RFTN1: variants seen among roughly 807,000 people sequenced by gnomAD.
RFTN1 encodes the protein raftlin, lipid raft linker 1.
A neutral mutation model predicts 46.5 loss-of-function variants in RFTN1; 26 were observed. That is an observed-to-expected ratio of 0.56 (90% CI 0.41 to 0.78). The LOEUF (loss-of-function observed/expected upper bound fraction) is 0.78. RFTN1 is among the 30% of genes least tolerant of loss of function. RFTN1 has a pLI of 0.00. For synonymous variants in RFTN1, 261 were observed against 284.2 expected, an observed-to-expected ratio of 0.92 and a Z score of 0.82; for missense variants, 693 against 718.7, an observed-to-expected ratio of 0.96 and a Z score of 0.41.
rs563916182 is a variant in RFTN1 at position 16,449,147 on chromosome 3, C to G, written c.146-15110G>C. On this transcript the variant is annotated intron_variant, in intron 2 of 9. Coordinates refer to ENST00000334133, the MANE Select transcript of RFTN1 (RefSeq NM_015150.2). The surrounding 1 kb of genome is among the most constrained non-coding windows in gnomAD (Gnocchi z 5.1). ...TATCTGAAATCCCCACAAATTCATA[C>G]GAAATGAGTAGGATTATTACTTTGT... is the stretch of plus-strand genomic sequence containing the variant. Among the ~76,000 whole-genome samples the G allele has an allele frequency of 1.3e-5, 2 of 152,124 alleles. No homozygotes were observed. Among genetic ancestry groups the G allele is most frequent in the Non-Finnish European group, 2.9e-5 (2 of 68,036 alleles).
chr3:16,493,189 G>C (rs936220919), intron 2 of RFTN1, among the ~76,000 whole-genome samples: 29 of 151,902 alleles, frequency 1.9e-4, no homozygotes, highest in African/African-American at 6.3e-4. Context: ...CATATGTATT[G>C]CTTGGCTCAC....
intron 2 of RFTN1, chr3:16,482,793 G>T (rs1463171982): frequency 2.6e-6 from 4 of 1,536,036 alleles, no homozygotes; most frequent in African/African-American, 1.4e-5. Flanking sequence ...CAGCTGCAGG[G>T]ATCCCCAGAG....
intron 2 of RFTN1, among the ~76,000 whole-genome samples, chr3:16,485,750 G>C (rs2076438190): frequency 6.6e-6 from 1 of 152,118 alleles, no homozygotes; most frequent in African/African-American, 2.4e-5. Flanking sequence ...ACTTCATATG[G>C]GTGTGTTTCA....
Position 16,446,604 on chromosome 3 carries a change from C to A in RFTN1, c.146-12567G>T, listed in dbSNP as rs1432534139. 1.3e-5 allele frequency among the ~76,000 whole-genome samples: 2 copies of A among 151,958 alleles called. No homozygotes were observed. Among genetic ancestry groups the A allele is most frequent in the African/African-American group, 4.8e-5 (2 of 41,352 alleles). ...GGAAAATCAAAGGTTGATATGACAA[C>A]AAAAGCAAAGGAAGAATGTAAAAAT... On this transcript the variant is annotated intron_variant, in intron 2 of 9. Coordinates refer to ENST00000334133, the MANE Select transcript of RFTN1 (RefSeq NM_015150.2). This position sits in a 1 kb window ranked among gnomAD's most constrained non-coding sequence, Gnocchi z 4.5.
chr3:16,337,368 T>C lies in RFTN1; in HGVS notation c.1147-10492A>G, dbSNP rs767555583. On this transcript the variant is annotated intron_variant, in intron 7 of 9. Transcript: ENST00000334133. This position sits in a 1 kb window ranked among gnomAD's most constrained non-coding sequence, Gnocchi z 5.0. Reference sequence around the variant, plus strand: ...GCTTTATTACACAGCAGAAGCTAACTGGTGTATTACTATTATTACTATTAT... The same window carrying C: ...GCTTTATTACACAGCAGAAGCTAACCGGTGTATTACTATTATTACTATTAT... 3.3e-5 allele frequency: 5 copies of C among 152,346 alleles called. No homozygotes were observed. Among genetic ancestry groups the C allele is most frequent in the Non-Finnish European group, 5.9e-5 (4 of 68,026 alleles). The allele number at this position is 152,346 out of a possible 1,614,324, so 9.4% of individuals were successfully genotyped here. A position where few individuals can be genotyped will look rare whatever the true frequency, so the allele number is the denominator to read the frequency against.
chr3:16,399,441 C>CAGA (rs1169550882), intron 4 of RFTN1, among the ~76,000 whole-genome samples: 3 of 152,154 alleles, frequency 2.0e-5, no homozygotes, highest in Admixed American at 1.3e-4. Context: ...GCCACTCCAG[C>CAGA]AATAGCTGTT....
intron 9 of RFTN1, among the ~76,000 whole-genome samples, chr3:16,318,962 C>G (rs1463494311): frequency 6.6e-6 from 1 of 152,184 alleles, no homozygotes; most frequent in East Asian, 1.9e-4. Context: ...GCAGGCATCT[C>G]GAGGCTCCAA....
chr3:16,378,664 A>C (rs975207440), intron 4 of RFTN1, among the ~76,000 whole-genome samples: 1 of 152,090 alleles, frequency 6.6e-6, no homozygotes, highest in African/African-American at 2.4e-5. Context: ...CTGTGGGCAA[A>C]TCCTCCCTGA....
chr3:16,402,971 T>C lies in RFTN1; in HGVS notation c.441+6404A>G, dbSNP rs2074641434. Among the ~76,000 whole-genome samples the C allele has an allele frequency of 6.6e-6, 1 of 152,134 alleles. No individual in the cohort carries two copies. Among genetic ancestry groups the C allele is most frequent in the Non-Finnish European group, 1.5e-5 (1 of 68,032 alleles). ...GGAACAGAGCCCAGAGCTGAGGGCCTGAAGGCAAAGGCCACCATGTCTTAT... is the reference window on the plus strand; with the variant it reads ...GGAACAGAGCCCAGAGCTGAGGGCCCGAAGGCAAAGGCCACCATGTCTTAT... On this transcript the variant is annotated intron_variant, in intron 4 of 9. Coordinates refer to ENST00000334133, the MANE Select transcript of RFTN1 (RefSeq NM_015150.2). The surrounding 1 kb of genome is among the most constrained non-coding windows in gnomAD (Gnocchi z 4.5).
chr3:16,496,245 A>G (rs2076624670), intron 1 of RFTN1, among the ~76,000 whole-genome samples: 1 of 152,240 alleles, frequency 6.6e-6, no homozygotes, highest in African/African-American at 2.4e-5. Flanking sequence ...GCTGCCAAAC[A>G]TGATGCCACA....
chr3:16,398,296 G>A (rs1007066479), intron 4 of RFTN1, among the ~76,000 whole-genome samples: 1 of 149,558 alleles, frequency 6.7e-6, no homozygotes, highest in East Asian at 2.0e-4. Context: ...CTCTCCAAGA[G>A]GGCTTACTTA....
chr3:16,335,700 T>A lies in RFTN1; in HGVS notation c.1147-8824A>T, dbSNP rs1310566152. ...GCTTCATACCTAGGTGATAGCCTGA[T>A]CTGAGCAGCAACACACATGGCACAC... On this transcript the variant is annotated intron_variant, in intron 7 of 9. Coordinates refer to ENST00000334133, the MANE Select transcript of RFTN1 (RefSeq NM_015150.2). This position sits in a 1 kb window ranked among gnomAD's most constrained non-coding sequence, Gnocchi z 4.7. 2.0e-5 allele frequency among the ~76,000 whole-genome samples: 3 copies of A among 150,730 alleles called. No homozygotes were observed. Among genetic ancestry groups the A allele is most frequent in the Non-Finnish European group, 2.9e-5 (2 of 67,906 alleles).
In RFTN1 at chr3:16,484,998, C is replaced by T. The variant is rs1323401208; in HGVS notation, c.145+8727G>A. Among the ~76,000 whole-genome samples, 1 of 152,232 alleles carries T rather than the reference C, an allele frequency of 6.6e-6. No homozygotes were observed. Among genetic ancestry groups the T allele is most frequent in the Non-Finnish European group, 1.5e-5 (1 of 68,042 alleles). On this transcript the variant is annotated intron_variant, in intron 2 of 9. Coordinates refer to ENST00000334133, the MANE Select transcript of RFTN1 (RefSeq NM_015150.2). The surrounding 1 kb of genome is among the most constrained non-coding windows in gnomAD (Gnocchi z 4.6). ...TACCTATAAAAAATGAAGCTCTCTACTCTCATACATTGTTGTTGGAAATGT... is the reference window on the plus strand; with the variant it reads ...TACCTATAAAAAATGAAGCTCTCTATTCTCATACATTGTTGTTGGAAATGT...
intron 2 of RFTN1, among the ~76,000 whole-genome samples, chr3:16,471,020 A>T (rs1166227248): frequency 6.6e-6 from 1 of 152,228 alleles, no homozygotes; most frequent in African/African-American, 2.4e-5. Flanking sequence ...GGAAAGTTTC[A>T]CATACACTAC....
chr3:16,449,790 C>T lies in RFTN1; in HGVS notation c.146-15753G>A, dbSNP rs186466546. 5.9e-5 allele frequency among the ~76,000 whole-genome samples: 9 copies of T among 152,306 alleles called. No individual in the cohort carries two copies. In the East Asian group the frequency reaches 1.7e-3, roughly 29 times the overall value. On this transcript the variant is annotated intron_variant, in intron 2 of 9. Transcript: ENST00000334133. This position sits in a 1 kb window ranked among gnomAD's most constrained non-coding sequence, Gnocchi z 5.1. ...CAAAAGCCATGCTGACAGACTGCTGCCTCTGATTTGCACTGAACTCCACTA... is the reference window on the plus strand; with the variant it reads ...CAAAAGCCATGCTGACAGACTGCTGTCTCTGATTTGCACTGAACTCCACTA...
chr3:16,369,355 T>C (rs992005412), intron 6 of RFTN1, among the ~76,000 whole-genome samples: 1 of 152,274 alleles, frequency 6.6e-6, no homozygotes, highest in African/African-American at 2.4e-5. Flanking sequence ...TCCTGCTGAC[T>C]GGCAGTCCTC....
At chr3:16,408,353 A>C (rs1389285696) in intron 4 of RFTN1, among the ~76,000 whole-genome samples, 1 of 152,184 alleles carries the variant, frequency 6.6e-6, no homozygotes, top group Non-Finnish European at 1.5e-5. Flanking sequence ...TCTGTATCCC[A>C]GCATCTAGTA....
In RFTN1 at chr3:16,424,816, C is replaced by T. The variant is rs184266841; in HGVS notation, c.332+9035G>A. Among the ~76,000 whole-genome samples, 23 of 152,140 alleles carry T rather than the reference C, an allele frequency of 1.5e-4. No individual in the cohort carries two copies. The East Asian group carries it at 3.7e-3, about 24-fold the overall frequency. On this transcript the variant is annotated intron_variant, in intron 3 of 9. Transcript: ENST00000334133. The surrounding 1 kb of genome is among the most constrained non-coding windows in gnomAD (Gnocchi z 4.7). ...AAATCATTAATAATGTACTTATATACATCTAAACATTATATCTCACCTACT... is the reference window on the plus strand; with the variant it reads ...AAATCATTAATAATGTACTTATATATATCTAAACATTATATCTCACCTACT...
chr3:16,331,721 T>G (rs1396733915), intron 7 of RFTN1, among the ~76,000 whole-genome samples: 2 of 152,232 alleles, frequency 1.3e-5, no homozygotes, highest in African/African-American at 4.8e-5. Flanking sequence ...TTTTCATGCC[T>G]GGGTTCTTCG....
Sources: gnomAD v4.1 joint callset for allele counts (sites outside exome capture counted in the v4.1 genomes callset) on GRCh38, gnomAD v4.1.1 for gene constraint, Gnocchi (gnomAD v3.1) non-coding constraint, MANE v1.5 for transcripts, NCBI Gene and HGNC (gene_info 2026-07-23, HGNC 2026-07-21) for gene names.